The following PCDHGB2 variants were observed in gnomAD, a reference collection of about 807,000 sequenced individuals.
PCDHGB2 encodes protocadherin gamma subfamily B, 2, also known as protocadherin gamma-B2.
Under a neutral mutation model 59.3 loss-of-function variants are expected in PCDHGB2, and 55 were observed. The ratio of observed to expected loss-of-function variants is 0.93; its 90% confidence interval spans 0.75 to 1.16. PCDHGB2 has a LOEUF of 1.16. Among genes scored for constraint, PCDHGB2 ranks in the 50% most tolerant of loss-of-function variants. The probability of loss-of-function intolerance (pLI) is 0.00; values close to 1 mark genes in which losing one functional copy is unlikely to be tolerated. For missense variants in PCDHGB2, 1,228 were observed against 1,198.5 expected (o/e 1.02, Z -0.36); for synonymous variants, 516 against 512.0 (o/e 1.01, Z -0.11).
intron 1 of PCDHGB2, among the ~76,000 whole-genome samples, chr5:141,407,339 T>C (rs958646781): frequency 3.3e-5 from 5 of 152,222 alleles, no homozygotes; most frequent in Non-Finnish European, 7.3e-5. Context: ...TTGAAATGTA[T>C]GTTAATTTGG....
chr5:141,422,750 T>C (rs778578440), intron 1 of PCDHGB2: 4 of 1,611,900 alleles, frequency 2.5e-6, no homozygotes, highest in Non-Finnish European at 3.4e-6. Flanking sequence ...TATGTCTCTA[T>C]TAACTCCAAC....
Position 141,360,217 on chromosome 5 carries a change from G to C in PCDHGB2, c.82G>C (p.Ala28Pro), listed in dbSNP as rs749014540. ...CTTCCTGTTGTCTTTGTTCCCCGGG[G>C]CTCTCCCAGTCCAGATCCGCTATTC... ...LPFLLSLFPG[A>P]LPVQIRYSIP... The change falls in exon 1 of 4, where the codon GCT (alanine) becomes CCT (proline). Residue 28 changes from alanine to proline, a missense_variant. Ala to Pro is a conservative substitution (Grantham distance 27, BLOSUM62 -1). Coordinates refer to ENST00000522605, the MANE Select transcript of PCDHGB2 (RefSeq NM_018923.3). The C allele has an allele frequency of 6.2e-7, 1 of 1,613,398 alleles. No homozygotes were observed. The highest frequency in any genetic ancestry group is 8.5e-7 in the Non-Finnish European group (1 of 1,179,668).
At chr5:141,395,126 C>G (rs1416844764) in intron 1 of PCDHGB2, 1 of 1,614,078 alleles carries the variant, frequency 6.2e-7, no homozygotes, top group East Asian at 2.2e-5. Flanking sequence ...TGATCTTTCC[C>G]CAGCCCAACT....
intron 1 of PCDHGB2, chr5:141,372,650 C>T (rs1768944912): frequency 6.2e-7 from 1 of 1,614,008 alleles, no homozygotes; most frequent in African/African-American, 1.3e-5. Context: ...CTTATTCCTA[C>T]AATCCGTGTG....
At chr5:141,496,799 G>C (rs2099771487) in intron 2 of PCDHGB2, among the ~76,000 whole-genome samples, 1 of 151,912 alleles carries the variant, frequency 6.6e-6, no homozygotes, top group African/African-American at 2.4e-5. Context: ...TAAACATTGG[G>C]CTATAGGAGT....
intron 1 of PCDHGB2, among the ~76,000 whole-genome samples, chr5:141,455,291 A>G (rs1212745731): frequency 6.6e-6 from 1 of 152,072 alleles, no homozygotes; most frequent in Non-Finnish European, 1.5e-5. Flanking sequence ...CACTTTACAT[A>G]GTTTCATCTT....
chr5:141,418,649 G>A (rs760169796), intron 1 of PCDHGB2: 3 of 1,613,926 alleles, frequency 1.9e-6, no homozygotes, highest in Non-Finnish European at 2.5e-6. Flanking sequence ...CATCCTGAGA[G>A]TGAAGGCCAC....
At chr5:141,436,331 T>A (rs919524287) in intron 1 of PCDHGB2, among the ~76,000 whole-genome samples, 1 of 152,198 alleles carries the variant, frequency 6.6e-6, no homozygotes, top group Non-Finnish European at 1.5e-5. Flanking sequence ...TTAGACCATA[T>A]CTCAAATATC....
chr5:141,388,135 T>C, intron 1 of PCDHGB2: 1 of 1,452,398 alleles, frequency 6.9e-7, no homozygotes, highest in Non-Finnish European at 9.5e-7. Flanking sequence ...AGCGGGGAGT[T>C]GCTTGTGAGC....
chr5:141,419,735 G>A (rs1013306543), intron 1 of PCDHGB2: 4 of 1,613,806 alleles, frequency 2.5e-6, no homozygotes, highest in Non-Finnish European at 3.4e-6. Flanking sequence ...AACAGGCGAG[G>A]TGCGCATGGT....
At chr5:141,455,860 A>ATTAT (rs145569377) in intron 1 of PCDHGB2, among the ~76,000 whole-genome samples, 7,190 of 139,786 alleles carry the variant, frequency 0.051, 228 homozygotes, top group South Asian at 0.064. Context: ...AATTTCTTTT[A>ATTAT]TTATTTATTT....
chr5:141,469,104 C>T (rs1046234848), intron 1 of PCDHGB2, among the ~76,000 whole-genome samples: 1 of 151,760 alleles, frequency 6.6e-6, no homozygotes, highest in Admixed American at 6.6e-5. Flanking sequence ...AAGCAAGAAC[C>T]TGTCTCTAAA....
Position 141,360,879 on chromosome 5 carries a change from G to T in PCDHGB2, c.744G>T (p.Arg248Ser), listed in dbSNP as rs1761784772. Residue 248 changes from arginine (R) to serine (S), a missense_variant, in exon 1 of 4, where the codon AGG becomes AGT. Around this residue, in one of 3 missense-constraint regions of PCDHGB2, gnomAD observed 781 missense variants for 721.6 expected, o/e 1.08. Coordinates refer to ENST00000522605, the MANE Select transcript of PCDHGB2 (RefSeq NM_018923.3). ...CAGTGTTCAGCCAGGACGTGTACAGGGTCACCCTGAGGGAGGACGTGCCGC... is the reference window on the plus strand; with the variant it reads ...CAGTGTTCAGCCAGGACGTGTACAGTGTCACCCTGAGGGAGGACGTGCCGC... ...NPPVFSQDVY[R>S]VTLREDVPPG... 5.0e-6 allele frequency: 8 copies of T among 1,614,000 alleles called. No individual in the cohort carries two copies. The East Asian group carries it at 1.3e-4, about 27-fold the overall frequency.
In PCDHGB2 at chr5:141,362,383, T is replaced by C. The variant is rs781696906; in HGVS notation, c.2248T>C (p.Tyr750His). 4 of 1,614,050 alleles carry C rather than the reference T, an allele frequency of 2.5e-6. No individual in the cohort carries two copies. The highest frequency in any genetic ancestry group is 2.5e-6 in the Non-Finnish European group (3 of 1,179,902). Residue 750 changes from tyrosine to histidine, a missense_variant, in exon 1 of 4, where the codon TAT (tyrosine) becomes CAT (histidine). Tyr to His is a moderately conservative substitution (Grantham distance 83). This residue lies in a region of PCDHGB2 where 433 missense variants were observed against 441.8 expected (regional missense o/e 0.98). Transcript: ENST00000522605. ...LPNYSEGTLP[Y>H]SYNLCVASQS... is the part of the protein sequence containing the mutation. ...CAATTACAGTGAGGGTACATTGCCC[T>C]ATTCCTACAACCTGTGTGTTGCCTC...
At chr5:141,463,583 G>A (rs1444995569) in intron 1 of PCDHGB2, among the ~76,000 whole-genome samples, 1 of 151,598 alleles carries the variant, frequency 6.6e-6, no homozygotes, top group African/African-American at 2.4e-5. Flanking sequence ...CGAGTAGCTG[G>A]GACTACAGGT....
In PCDHGB2 at chr5:141,362,232, C is replaced by G; in HGVS notation, c.2097C>G (p.Ile699Met). ...QFYLVVALALISVLFFLAVIL... is the reference protein window; with the variant it reads ...QFYLVVALALMSVLFFLAVIL... Reference sequence around the variant, plus strand: ...ACCTGGTTGTGGCCTTGGCCTTGATCTCAGTGCTCTTCTTCCTCGCGGTGA... The same window carrying G: ...ACCTGGTTGTGGCCTTGGCCTTGATGTCAGTGCTCTTCTTCCTCGCGGTGA... Residue 699 changes from isoleucine to methionine, a missense_variant, in exon 1 of 4, where the codon ATC becomes ATG. Around this residue, in one of 3 missense-constraint regions of PCDHGB2, gnomAD observed 433 missense variants for 441.8 expected, o/e 0.98. Coordinates refer to ENST00000522605, the MANE Select transcript of PCDHGB2 (RefSeq NM_018923.3). The G allele has an allele frequency of 2.5e-6, 4 of 1,614,034 alleles. No individual in the cohort carries two copies. Among genetic ancestry groups the G allele is most frequent in the Non-Finnish European group, 3.4e-6 (4 of 1,179,908 alleles).
intron 1 of PCDHGB2, among the ~76,000 whole-genome samples, chr5:141,406,983 A>G (rs997882236): frequency 6.6e-6 from 1 of 152,250 alleles, no homozygotes; most frequent in Non-Finnish European, 1.5e-5. Context: ...AACATTTCAC[A>G]AGACATTTGA....
At chr5:141,375,758 G>A in intron 1 of PCDHGB2, 1 of 1,614,230 alleles carries the variant, frequency 6.2e-7, no homozygotes. Context: ...GAATGACAAT[G>A]CGCCCGAGAT....
At chr5:141,403,452 T>C (rs1482278011) in intron 1 of PCDHGB2, 15 of 1,613,988 alleles carry the variant, frequency 9.3e-6, no homozygotes, top group Non-Finnish European at 1.3e-5. Flanking sequence ...GTGAACTCCC[T>C]CCAGAGCTAC....
Sources: gnomAD v4.1 joint callset for allele counts (sites outside exome capture counted in the v4.1 genomes callset) on GRCh38, gnomAD v4.1.1 for gene constraint, gnomAD v4.1.1 regional missense constraint, MANE v1.5 for transcripts, NCBI Gene and HGNC (gene_info 2026-07-23, HGNC 2026-07-21) for gene names.